CDYL: variants seen among roughly 807,000 people sequenced by gnomAD.
CDYL encodes chromodomain Y-like protein.
CDYL carries 8 observed loss-of-function variants against 47.3 expected under a neutral mutation model. The observed-to-expected ratio is 0.17, with a 90% CI of 0.10 to 0.31. CDYL has a LOEUF of 0.31. CDYL is among the 10% of genes least tolerant of loss of function. The pLI, the probability that CDYL is intolerant of heterozygous loss-of-function variation, is 1.00. For missense variants in CDYL, 471 were observed against 701.4 expected, an observed-to-expected ratio of 0.67 and a Z score of 3.71; for synonymous variants, 266 against 265.0, an observed-to-expected ratio of 1.00 and a Z score of -0.04.
chr6:4,946,036 A>G (rs1758504620), intron 5 of CDYL, among the ~76,000 whole-genome samples: 1 of 152,056 alleles, frequency 6.6e-6, no homozygotes, highest in South Asian at 2.1e-4. Context: ...CTCCCTGGGA[A>G]TGGTGTCTTG....
chr6:4,873,818 G>A (rs58368827), intron 1 of CDYL, among the ~76,000 whole-genome samples: 3,361 of 152,246 alleles, frequency 0.022, 76 homozygotes, highest in East Asian at 0.085. Context: ...GTTTGAAACC[G>A]CCAAGTAGGA....
chr6:4,825,848 C>CAA lies in CDYL; in HGVS notation c.24+49058_24+49059dup, dbSNP rs34591908. Among the ~76,000 whole-genome samples the CAA allele has an allele frequency of 5.1e-3, 505 of 98,824 alleles. 1 individual carries two copies. Among genetic ancestry groups the CAA allele is most frequent in the African/African-American group, 0.015 (457 of 30,682 alleles). 64.8% of individuals were successfully genotyped at this position (98,824 alleles called of 152,430 possible). ...TCATTTATACATACACCTAGAATGG[C>CAA]AAAAAAAAAAAAAAAAAAGAGAGTC... On this transcript the variant is annotated intron_variant, in intron 1 of 6. Transcript: ENST00000397588.
chr6:4,874,213 CT>C (rs1352896223), intron 1 of CDYL, among the ~76,000 whole-genome samples: 3 of 151,992 alleles, frequency 2.0e-5, no homozygotes, highest in Non-Finnish European at 4.4e-5. Context: ...GAATTGCTTA[CT>C]CAGAATTTGG....
intron 2 of CDYL, among the ~76,000 whole-genome samples, chr6:4,892,848 T>C (rs1762089642): frequency 6.6e-6 from 1 of 152,188 alleles, no homozygotes; most frequent in African/African-American, 2.4e-5. Context: ...AGCAGAGCCT[T>C]TGGGAGCCGG....
At chr6:4,729,528 A>G (rs937495719) in intron 2 of CDYL, among the ~76,000 whole-genome samples, 6 of 151,890 alleles carry the variant, frequency 4.0e-5, no homozygotes, top group African/African-American at 1.5e-4. Flanking sequence ...GGATCCGAGA[A>G]GTCCTCACAT....
chr6:4,746,826 G>C (rs1483278855), intron 3 of CDYL, among the ~76,000 whole-genome samples: 1 of 152,102 alleles, frequency 6.6e-6, no homozygotes, highest in Non-Finnish European at 1.5e-5. Flanking sequence ...AGGACTGTTG[G>C]CCTCCTGCCC....
chr6:4,723,086 C>A (rs187956781), intron 2 of CDYL, among the ~76,000 whole-genome samples: 98 of 152,254 alleles, frequency 6.4e-4, no homozygotes, highest in African/African-American at 2.2e-3. Context: ...TCCATGGATA[C>A]AACCAACCAT....
At position 4,811,608 on chromosome 6, in the gene CDYL, C is replaced by CTTT. The variant is rs397975784; in HGVS notation, c.24+34818_24+34820dup. Among the ~76,000 whole-genome samples, 921 of 126,706 alleles carry CTTT rather than the reference C, an allele frequency of 7.3e-3. 10 individuals are homozygous for CTTT. Among genetic ancestry groups the CTTT allele is most frequent in the Non-Finnish European group, 0.011 (684 of 59,518 alleles). 83.1% of individuals were successfully genotyped at this position (126,706 alleles called of 152,430 possible). ...TACACAAGTACTCAATGACATTATT[C>CTTT]TTTTTTTTTTTTTTTTTTTGAGACA... On this transcript the variant is annotated intron_variant, in intron 1 of 6. Coordinates refer to ENST00000397588, the MANE Select transcript of CDYL (RefSeq NM_004824.4).
intron 1 of CDYL, among the ~76,000 whole-genome samples, chr6:4,840,759 G>A (rs1012767610): frequency 6.6e-6 from 1 of 152,092 alleles, no homozygotes; most frequent in African/African-American, 2.4e-5. Context: ...GATCATGGTG[G>A]GTTATCTTTT....
chr6:4,947,320 T>C (rs527636785), intron 5 of CDYL, among the ~76,000 whole-genome samples: 3 of 152,228 alleles, frequency 2.0e-5, no homozygotes, highest in African/African-American at 7.2e-5. Flanking sequence ...ACTTCAAAGT[T>C]GGGGGCATTC....
chr6:4,789,480 G>A (rs1758858866), intron 1 of CDYL, among the ~76,000 whole-genome samples: 1 of 152,028 alleles, frequency 6.6e-6, no homozygotes, highest in Non-Finnish European at 1.5e-5. Context: ...CTGTTTCCCT[G>A]GCCCTGGCAG....
chr6:4,826,544 T>C (rs543754058), intron 1 of CDYL, among the ~76,000 whole-genome samples: 5 of 152,320 alleles, frequency 3.3e-5, no homozygotes, highest in African/African-American at 1.2e-4. Context: ...TTTTCTGTGT[T>C]GTGATTTTGT....
chr6:4,710,324 G>C (rs958622890), intron 1 of CDYL, among the ~76,000 whole-genome samples: 2 of 142,576 alleles, frequency 1.4e-5, no homozygotes, highest in Non-Finnish European at 3.0e-5. Flanking sequence ...AGAATAAAAG[G>C]AAAGAAAGGA....
chr6:4,853,123 A>G (rs1197986541), intron 1 of CDYL, among the ~76,000 whole-genome samples: 1 of 152,042 alleles, frequency 6.6e-6, no homozygotes, highest in African/African-American at 2.4e-5. Context: ...ATACTCCCTC[A>G]TTAGTCTTTT....
chr6:4,940,715 G>T (rs1318715386), intron 4 of CDYL, among the ~76,000 whole-genome samples: 1 of 152,242 alleles, frequency 6.6e-6, no homozygotes, highest in Non-Finnish European at 1.5e-5. Context: ...AGGACCAGGA[G>T]ACTTCTCTCC....
chr6:4,725,110 A>T (rs967328019), intron 2 of CDYL, among the ~76,000 whole-genome samples: 2 of 152,178 alleles, frequency 1.3e-5, no homozygotes, highest in Admixed American at 6.5e-5. Context: ...CTGCATTCAC[A>T]AACCCTGAGC....
At chr6:4,821,209 C>A (rs1759824478) in intron 1 of CDYL, among the ~76,000 whole-genome samples, 1 of 137,856 alleles carries the variant, frequency 7.3e-6, no homozygotes, top group Non-Finnish European at 1.5e-5. Flanking sequence ...GAAAAAAGCA[C>A]AACAAAATGT....
At chr6:4,840,524 T>C (rs375775721) in intron 1 of CDYL, among the ~76,000 whole-genome samples, 12 of 152,224 alleles carry the variant, frequency 7.9e-5, no homozygotes, top group East Asian at 5.8e-4. Flanking sequence ...TTCAGTGTTA[T>C]GTTGGCTTTG....
At chr6:4,792,506 A>G (rs560724393) in intron 1 of CDYL, among the ~76,000 whole-genome samples, 70 of 150,568 alleles carry the variant, frequency 4.6e-4, no homozygotes, top group Non-Finnish European at 1.3e-4. Context: ...ATCTCCGCTC[A>G]CGGTAACCTC....
Sources: allele counts gnomAD v4.1 joint callset (sites outside exome capture counted in the v4.1 genomes callset), GRCh38; gene constraint gnomAD v4.1.1; transcripts MANE v1.5; gene names NCBI Gene and HGNC (gene_info 2026-07-23, HGNC 2026-07-21).